FRMD4B: variants seen among roughly 807,000 people sequenced by gnomAD.
FRMD4B encodes FERM domain containing 4B.
FRMD4B carries 74 observed loss-of-function variants against 141.5 expected under a neutral mutation model. That is an observed-to-expected ratio of 0.52 (90% CI 0.43 to 0.63). The LOEUF (loss-of-function observed/expected upper bound fraction) is 0.63, where lower values mean the gene tolerates loss of function less well. Ranked by LOEUF, FRMD4B falls within the 30% of genes least tolerant of loss-of-function variation. The pLI, the probability that FRMD4B is intolerant of heterozygous loss-of-function variation, is 0.00. For missense variants in FRMD4B, 1,366 were observed against 1,253.4 expected (o/e 1.09, Z -1.36); for synonymous variants, 506 against 467.9 (o/e 1.08, Z -1.05).
intron 1 of FRMD4B, among the ~76,000 whole-genome samples, chr3:69,503,506 A>G (rs1382193273): frequency 1.6e-5 from 2 of 122,600 alleles, no homozygotes; most frequent in African/African-American, 3.1e-5. Flanking sequence ...GGACACAGGA[A>G]GGGGAACATC....
At chr3:69,341,342 C>G (rs1049694528) in intron 1 of FRMD4B, among the ~76,000 whole-genome samples, 14 of 152,182 alleles carry the variant, frequency 9.2e-5, no homozygotes, top group African/African-American at 3.4e-4. Context: ...TACTGGTGAA[C>G]AGAACAATTA....
chr3:69,257,086 A>T (rs1375228963), intron 5 of FRMD4B, among the ~76,000 whole-genome samples: 1 of 152,218 alleles, frequency 6.6e-6, no homozygotes, highest in Non-Finnish European at 1.5e-5. Context: ...ACATCTGTAG[A>T]CACCACCAGA....
intron 1 of FRMD4B, among the ~76,000 whole-genome samples, chr3:69,507,339 G>A (rs1706613191): frequency 6.6e-6 from 1 of 152,026 alleles, no homozygotes; most frequent in Non-Finnish European, 1.5e-5. Flanking sequence ...GATATTTTAG[G>A]CATATGCAAC....
At position 69,197,002 on chromosome 3, in the gene FRMD4B, G is replaced by C. The variant is rs753537942; in HGVS notation, c.990C>G (p.Gly330=). The C allele has an allele frequency of 1.1e-5, 17 of 1,607,032 alleles. No homozygotes were observed. The highest frequency in any genetic ancestry group is 6.7e-5 in the Admixed American group (4 of 59,880). Residue 330 remains glycine (G), a synonymous_variant, in exon 13 of 23, where the codon GGC becomes GGG. Transcript: ENST00000398540. ...TAGCATACCATGTTTGCACAAACAAGCCACTTTGCCCAAAGGTTCTTCTTG... is the reference window on the plus strand; with the variant it reads ...TAGCATACCATGTTTGCACAAACAACCCACTTTGCCCAAAGGTTCTTCTTG... ...SVSRRTFGQS[G]LFVQTWYANS... is the part of the protein sequence containing the mutation.
In FRMD4B at chr3:69,386,015, G is replaced by A; in HGVS notation, c.-26C>T. On this transcript the variant is annotated 5_prime_UTR_variant, in exon 1 of 23. Transcript: ENST00000398540. ...GCCTCCTCCTTCGCTCTGAACCCGG[G>A]CGTCCCGGCTCTCGTACGTGCAGCC... 6.5e-7 allele frequency: 1 copy of A among 1,544,370 alleles called. No homozygotes were observed.
chr3:69,196,831 G>T, intron 13 of FRMD4B, 69 bp downstream of exon 13: 1 of 1,172,744 alleles, frequency 8.5e-7, no homozygotes, highest in Non-Finnish European at 1.2e-6. Flanking sequence ...TCTTTTGTGA[G>T]AAGGCTTATC....
intron 1 of FRMD4B, chr3:69,322,946 G>C: frequency 1.8e-6 from 1 of 563,242 alleles, no homozygotes; most frequent in Non-Finnish European, 2.2e-6. Flanking sequence ...GTGGTGCCTG[G>C]TCATACAGTG....
At chr3:69,504,638 A>G (rs772466932) in intron 1 of FRMD4B, among the ~76,000 whole-genome samples, 13 of 152,186 alleles carry the variant, frequency 8.5e-5, no homozygotes, top group South Asian at 2.1e-4. Flanking sequence ...AGATCTACCA[A>G]CACTTCATTC....
chr3:69,382,474 C>T (rs181953349), intron 1 of FRMD4B, among the ~76,000 whole-genome samples: 1 of 152,316 alleles, frequency 6.6e-6, no homozygotes, highest in Non-Finnish European at 1.5e-5. Context: ...TGCACCCAGC[C>T]CAATCCCTCC....
chr3:69,180,550 C>T (rs1192748170), intron 21 of FRMD4B, among the ~76,000 whole-genome samples: 3 of 152,034 alleles, frequency 2.0e-5, no homozygotes, highest in Non-Finnish European at 4.4e-5. Context: ...GCAAGTGAAA[C>T]CCCTAACACA....
At chr3:69,236,992 AAG>A (rs1477296684) in intron 7 of FRMD4B, among the ~76,000 whole-genome samples, 3 of 152,214 alleles carry the variant, frequency 2.0e-5, no homozygotes, top group African/African-American at 7.2e-5. Context: ...CTAAACTTAA[AAG>A]AGAGCAGCTC....
intron 3 of FRMD4B, among the ~76,000 whole-genome samples, chr3:69,308,910 T>C (rs1236817552): frequency 6.6e-6 from 1 of 152,226 alleles, no homozygotes; most frequent in African/African-American, 2.4e-5. Context: ...TGTCTAAAAC[T>C]GAACCCAAGT....
At chr3:69,234,928 C>T (rs1218048339) in intron 7 of FRMD4B, among the ~76,000 whole-genome samples, 1 of 151,822 alleles carries the variant, frequency 6.6e-6, no homozygotes, top group Non-Finnish European at 1.5e-5. Context: ...GCGGGCGGAT[C>T]ACTTGAGATC....
At chr3:69,494,043 A>G (rs910246646) in intron 1 of FRMD4B, among the ~76,000 whole-genome samples, 5 of 152,112 alleles carry the variant, frequency 3.3e-5, no homozygotes, top group African/African-American at 1.2e-4. Flanking sequence ...TACTCAGTTA[A>G]TTTTTTAAAA....
At chr3:69,513,221 G>A (rs983678281) in intron 1 of FRMD4B, among the ~76,000 whole-genome samples, 8 of 152,028 alleles carry the variant, frequency 5.3e-5, no homozygotes, top group African/African-American at 1.9e-4. Context: ...GGAAAGAGAT[G>A]TTAGAAGCAA....
intron 2 of FRMD4B, among the ~76,000 whole-genome samples, chr3:69,423,895 C>A (rs1172055556): frequency 6.6e-6 from 1 of 152,120 alleles, no homozygotes; most frequent in Non-Finnish European, 1.5e-5. Flanking sequence ...ATTTCCCAGG[C>A]TCCAGAACTG....
chr3:69,434,215 T>C (rs1357850608), intron 1 of FRMD4B, among the ~76,000 whole-genome samples: 1 of 152,198 alleles, frequency 6.6e-6, no homozygotes, highest in Non-Finnish European at 1.5e-5. Flanking sequence ...TCAACTTGGA[T>C]CACAAAGGCA....
chr3:69,235,433 G>A (rs2093339334), intron 7 of FRMD4B, among the ~76,000 whole-genome samples: 1 of 151,968 alleles, frequency 6.6e-6, no homozygotes, highest in South Asian at 2.1e-4. Context: ...GCAGAGGTGG[G>A]TGGATCACCT....
intron 5 of FRMD4B, among the ~76,000 whole-genome samples, chr3:69,277,874 G>C (rs1198248849): frequency 8.1e-5 from 11 of 136,398 alleles, no homozygotes; most frequent in Admixed American, 6.4e-4. Context: ...TTTTTTTCTT[G>C]AGACAGAGTC....
Sources: gnomAD v4.1 joint callset for allele counts (sites outside exome capture counted in the v4.1 genomes callset) on GRCh38, gnomAD v4.1.1 for gene constraint, MANE v1.5 for transcripts, NCBI Gene and HGNC (gene_info 2026-07-23, HGNC 2026-07-21) for gene names.